The following GPI variants were observed in gnomAD, a reference collection of about 807,000 sequenced individuals.
The protein encoded by GPI is D-hexose-6-phosphate anomerase.
In GPI, 56 loss-of-function variants were observed where a neutral mutation model predicts 75.8. The ratio of observed to expected loss-of-function variants is 0.74; its 90% confidence interval spans 0.60 to 0.92. The LOEUF is 0.92. GPI is among the 40% of genes least tolerant of loss of function. The pLI, the probability that GPI is intolerant of heterozygous loss-of-function variation, is 0.00. For synonymous variants in GPI, 288 were observed against 285.4 expected (o/e 1.01, Z -0.09); for missense variants, 638 against 741.0 (o/e 0.86, Z 1.61).
chr19:34,393,039 G>T lies in GPI; in HGVS notation c.805-209G>T, dbSNP rs532454696. ...AAGACCACGGTAAGCTCTTCAGTTTGTCTTGTGGCTGTGGTCAGTCATCTG... is the reference window on the plus strand; with the variant it reads ...AAGACCACGGTAAGCTCTTCAGTTTTTCTTGTGGCTGTGGTCAGTCATCTG... On this transcript the variant is annotated intron_variant, in intron 9 of 17. Coordinates refer to ENST00000356487, the MANE Select transcript of GPI (RefSeq NM_000175.5). The surrounding 1 kb of genome is among the most constrained non-coding windows in gnomAD (Gnocchi z 4.4). 34 of 622,770 alleles carry T rather than the reference G, an allele frequency of 5.5e-5. No individual in the cohort carries two copies. The East Asian group carries it at 9.3e-4, about 17-fold the overall frequency. The allele number at this position is 622,770 out of a possible 1,614,324, so 38.6% of individuals were successfully genotyped here.
At chr19:34,373,844 A>G (rs553761071) in intron 4 of GPI, among the ~76,000 whole-genome samples, 1 of 152,366 alleles carries the variant, frequency 6.6e-6, no homozygotes, top group South Asian at 2.1e-4. Flanking sequence ...GGAGGCACAG[A>G]CAGTTCGAGT....
intron 9 of GPI, chr19:34,392,905 G>A (rs1049626214): frequency 3.1e-5 from 9 of 294,298 alleles, no homozygotes; most frequent in African/African-American, 8.6e-5. Context: ...GGGCCCTGGC[G>A]CAGGTATGAG....
At chr19:34,382,706 G>A (rs963642314) in intron 9 of GPI, among the ~76,000 whole-genome samples, 8 of 152,088 alleles carry the variant, frequency 5.3e-5, no homozygotes, top group African/African-American at 1.9e-4. Flanking sequence ...GCAGATCGGG[G>A]TGTCCTTGCT....
Position 34,393,287 on chromosome 19 carries a change from C to G in GPI, c.844C>G (p.Leu282Val). 1.2e-6 allele frequency: 2 copies of G among 1,613,150 alleles called. No homozygotes were observed. Among genetic ancestry groups the G allele is most frequent in the Non-Finnish European group, 1.7e-6 (2 of 1,179,098 alleles). ...CTACTCGCTGTGGTCGGCCATCGGACTCTCCATTGCCCTGCACGTGGGTGA... is the reference window on the plus strand; with the variant it reads ...CTACTCGCTGTGGTCGGCCATCGGAGTCTCCATTGCCCTGCACGTGGGTGA... The part of the protein sequence containing the change: ...GRYSLWSAIG[L>V]SIALHVGFDN... The change falls in exon 10 of 18, where the codon CTC becomes GTC. Residue 282 changes from leucine (L) to valine (V), a missense_variant. Coordinates refer to ENST00000356487, the MANE Select transcript of GPI (RefSeq NM_000175.5). This position sits in a 1 kb window ranked among gnomAD's most constrained non-coding sequence, Gnocchi z 4.4.
Position 34,400,718 on chromosome 19 carries a change from C to T in GPI, c.*682C>T. On this transcript the variant is annotated 3_prime_UTR_variant, in exon 18 of 18. Coordinates refer to ENST00000356487, the MANE Select transcript of GPI (RefSeq NM_000175.5). ...CAGGTAGTTCTTTTGCTTTAAAAGGCAGATATTGAAAACTGGAATTTTTTT... is the reference window on the plus strand; with the variant it reads ...CAGGTAGTTCTTTTGCTTTAAAAGGTAGATATTGAAAACTGGAATTTTTTT... 2 of 400,790 alleles carry T rather than the reference C, an allele frequency of 5.0e-6. No individual in the cohort carries two copies. The highest frequency in any genetic ancestry group is 4.1e-5 in the African/African-American group (2 of 48,730). The allele number at this position is 400,790 out of a possible 1,614,324, so 24.8% of individuals were successfully genotyped here.
intron 4 of GPI, among the ~76,000 whole-genome samples, chr19:34,371,469 T>TGGGAAGTTGAAAA (rs1157923195): frequency 6.6e-6 from 1 of 152,234 alleles, no homozygotes; most frequent in African/African-American, 2.4e-5. Flanking sequence ...CAGGATGGAC[T>TGGGAAGTTGAAAA]GGGAAGTTGA....
At chr19:34,374,470 A>G (rs934838880) in intron 4 of GPI, among the ~76,000 whole-genome samples, 8 of 152,120 alleles carry the variant, frequency 5.3e-5, no homozygotes, top group African/African-American at 1.9e-4. Flanking sequence ...ACACACAGAT[A>G]CCCCACTCAC....
chr19:34,364,407 A>T (rs558114374), upstream of GPI, among the ~76,000 whole-genome samples: 55 of 134,078 alleles, frequency 4.1e-4, no homozygotes, highest in South Asian at 0.013. Flanking sequence ...TTTGAGATGG[A>T]GTCTCACTCT....
intron 1 of GPI, chr19:34,365,719 C>T (rs1285908491): frequency 3.8e-6 from 2 of 521,836 alleles, no homozygotes; most frequent in East Asian, 4.9e-5. Flanking sequence ...TGAAGAGAGG[C>T]CTTGGCTGAC....
At chr19:34,377,700 G>A (rs368345802) in intron 5 of GPI, 35 bp from the exon 6 acceptor site, 20 of 1,612,864 alleles carry the variant, frequency 1.2e-5, no homozygotes, top group Middle Eastern at 1.6e-4. Flanking sequence ...CGTGGGCCCT[G>A]AATTCTTATT....
intron 4 of GPI, among the ~76,000 whole-genome samples, chr19:34,372,736 T>C (rs1179651087): frequency 6.6e-6 from 1 of 151,856 alleles, no homozygotes; most frequent in Non-Finnish European, 1.5e-5. Flanking sequence ...AGGCCAGGAG[T>C]TCAAGACTAG....
In GPI at chr19:34,379,003, G is replaced by A. The variant is rs759719807; in HGVS notation, c.703G>A (p.Asp235Asn). The A allele has an allele frequency of 1.9e-6, 3 of 1,613,688 alleles. No homozygotes were observed. In the South Asian group the frequency reaches 3.3e-5, roughly 18 times the overall value. The change falls in exon 7 of 18, where the codon GAT (aspartate) becomes AAT (asparagine). Residue 235 changes from aspartate to asparagine, a missense_variant and splice_region_variant. Asp to Asn is a conservative substitution (Grantham distance 23, BLOSUM62 1). Transcript: ENST00000356487. ...AKEWFLQAAK[D>N]PSAVAKHFVA... ...GGAGTGGTTTCTCCAGGCGGCCAAG[G>A]ATGTGAGTGGGCTATAGGGCCTTCC... is the stretch of plus-strand genomic sequence containing the variant.
At chr19:34,375,292 G>A (rs990389128) in intron 4 of GPI, among the ~76,000 whole-genome samples, 2 of 151,922 alleles carry the variant, frequency 1.3e-5, no homozygotes, top group South Asian at 2.1e-4. Flanking sequence ...ACAGGCACAC[G>A]CCACCATGCC....
At chr19:34,376,053 A>G (rs1475982311) in intron 4 of GPI, among the ~76,000 whole-genome samples, 1 of 152,172 alleles carries the variant, frequency 6.6e-6, no homozygotes, top group Non-Finnish European at 1.5e-5. Context: ...GTGTCGCTGT[A>G]AGGTAGGGAT....
chr19:34,379,082 T>G lies in GPI; in HGVS notation c.705+77T>G. ...CAGGGTGGGCCCCTGAGTGACCAAG[T>G]CTGGCCGTGTTTCTCCTGAAGTTGG... On this transcript the variant is annotated intron_variant, in intron 7 of 17. Coordinates refer to ENST00000356487, the MANE Select transcript of GPI (RefSeq NM_000175.5). 4.8e-6 allele frequency: 6 copies of G among 1,240,184 alleles called. No individual in the cohort carries two copies. The East Asian group carries it at 1.4e-4, about 29-fold the overall frequency. The allele number at this position is 1,240,184 out of a possible 1,614,324, so 76.8% of individuals were successfully genotyped here.
rs753624882 is a variant in GPI, at chr19:34,399,979, T to A, written c.1620T>A (p.Ala540=). The A allele has an allele frequency of 3.1e-6, 5 of 1,613,766 alleles. No homozygotes were observed. In the Admixed American group the frequency reaches 8.3e-5, roughly 27 times the overall value. ...DGSAQVTSHD[A]STNGLINFIK... is the part of the protein sequence containing the mutation. ...GTGCTCAAGTGACCTCTCACGACGC[T>A]TCTACCAATGGGCTCATCAACTTCA... The change falls in exon 18 of 18, where the codon GCT becomes GCA. Residue 540 remains alanine, a synonymous_variant. Coordinates refer to ENST00000356487, the MANE Select transcript of GPI (RefSeq NM_000175.5).
At chr19:34,396,167 A>G (rs1205867730) in intron 12 of GPI, 134 bp from the exon 13 acceptor site, 2 of 884,650 alleles carry the variant, frequency 2.3e-6, no homozygotes, top group African/African-American at 1.7e-5. Flanking sequence ...CAAACTTCCA[A>G]CCTCAGGTGA....
At chr19:34,368,863 TCTCTGCTGAGGCCTGAATTTCTCCTGG>T in intron 4 of GPI, 161 bp downstream of exon 4, 1 of 791,678 alleles carries the variant, frequency 1.3e-6, no homozygotes, top group Non-Finnish European at 2.2e-6. Context: ...GACCCTGGAG[TCTCTGCTGAGGCCTGAATTTCTCCTGG>T]CTCTGCTCTG....
upstream of GPI, among the ~76,000 whole-genome samples, chr19:34,362,268 C>T (rs2074305555): frequency 6.6e-6 from 1 of 152,018 alleles, no homozygotes; most frequent in Non-Finnish European, 1.5e-5. Context: ...CGTGCCATTG[C>T]ACTCTAGCCT....
Sources: allele counts gnomAD v4.1 joint callset (sites outside exome capture counted in the v4.1 genomes callset), GRCh38; gene constraint gnomAD v4.1.1; non-coding constraint Gnocchi (gnomAD v3.1); transcripts MANE v1.5; gene names NCBI Gene and HGNC (gene_info 2026-07-23, HGNC 2026-07-21).